Variants in C1QTNF3 observed in about 807,000 individuals in gnomAD.
The protein encoded by C1QTNF3 is complement C1q tumor necrosis factor-related protein 3.
C1QTNF3 carries 26 observed loss-of-function variants against 32.6 expected under a neutral mutation model. The observed-to-expected ratio is 0.80, with a 90% CI of 0.58 to 1.11. The LOEUF is 1.11. Among genes scored for constraint, C1QTNF3 ranks in the 50% least tolerant of loss-of-function variants. The pLI is 0.00. For missense variants in C1QTNF3, 362 were observed against 398.2 expected, an observed-to-expected ratio of 0.91 and a Z score of 0.77; for synonymous variants, 155 against 146.0, an observed-to-expected ratio of 1.06 and a Z score of -0.44.
At chr5:34,238,352 G>A in the C1QTNF3 span, among the ~76,000 whole-genome samples, 4 of 152,162 alleles carry the variant, frequency 2.6e-5, no homozygotes, top group Non-Finnish European at 5.9e-5. Flanking sequence ...TGAACATTAA[G>A]GAGAAAGTTG....
chr5:34,221,218 T>C, the C1QTNF3 span, among the ~76,000 whole-genome samples: 1 of 152,178 alleles, frequency 6.6e-6, no homozygotes, highest in South Asian at 2.1e-4. Context: ...GAAGTATTTC[T>C]ATTTATGTCA....
the C1QTNF3 span, among the ~76,000 whole-genome samples, chr5:34,059,018 G>A: frequency 6.6e-5 from 10 of 152,216 alleles, no homozygotes; most frequent in Admixed American, 2.0e-4. Flanking sequence ...TTTGAACTGC[G>A]TGCAGGAGAG....
At chr5:34,178,369 T>C in the C1QTNF3 span, among the ~76,000 whole-genome samples, 1 of 149,196 alleles carries the variant, frequency 6.7e-6, no homozygotes, top group Admixed American at 6.6e-5. Flanking sequence ...CTTGACTAGT[T>C]TGCAGAAGTG....
chr5:34,224,970 A>G, the C1QTNF3 span, among the ~76,000 whole-genome samples: 2 of 152,228 alleles, frequency 1.3e-5, no homozygotes, highest in African/African-American at 4.8e-5. Context: ...AAAACAAACA[A>G]CCTCATCAAA....
chr5:34,136,791 CAT>C, the C1QTNF3 span, among the ~76,000 whole-genome samples: 2 of 152,202 alleles, frequency 1.3e-5, no homozygotes, highest in Non-Finnish European at 2.9e-5. Context: ...AAATGTGGCA[CAT>C]AGACACCATG....
intron 2 of C1QTNF3, among the ~76,000 whole-genome samples, chr5:34,035,157 T>C (rs896593428): frequency 6.6e-6 from 1 of 152,188 alleles, no homozygotes; most frequent in African/African-American, 2.4e-5. Context: ...GATGACTGAA[T>C]TGCTGGTCTA....
the C1QTNF3 span, among the ~76,000 whole-genome samples, chr5:34,232,385 G>C: frequency 6.6e-6 from 1 of 150,856 alleles, no homozygotes; most frequent in Non-Finnish European, 1.5e-5. Context: ...TGAAATGTGA[G>C]AAGGACATGA....
At chr5:34,102,865 G>GTATGTAATGTAATGTAATGTAATGT in the C1QTNF3 span, among the ~76,000 whole-genome samples, 2 of 152,224 alleles carry the variant, frequency 1.3e-5, no homozygotes, top group Non-Finnish European at 2.9e-5. Flanking sequence ...ATAGCATTAG[G>GTATGTAATGTAATGTAATGTAATGT]AGATACACCT....
chr5:34,120,704 G>A, the C1QTNF3 span, among the ~76,000 whole-genome samples: 1 of 152,150 alleles, frequency 6.6e-6, no homozygotes, highest in African/African-American at 2.4e-5. Context: ...CTCTTCTTTT[G>A]TCTAACGCCA....
chr5:34,234,656 C>G, the C1QTNF3 span, among the ~76,000 whole-genome samples: 2 of 152,124 alleles, frequency 1.3e-5, no homozygotes, highest in East Asian at 3.8e-4. Context: ...CTGCATAGCA[C>G]TGACAAAAAT....
chr5:34,197,457 G>A, the C1QTNF3 span, among the ~76,000 whole-genome samples: 5 of 152,060 alleles, frequency 3.3e-5, no homozygotes, highest in East Asian at 3.9e-4. Context: ...GAGTTTTTAC[G>A]GTCAATCAAT....
chr5:34,203,617 C>T, the C1QTNF3 span, among the ~76,000 whole-genome samples: 1 of 150,926 alleles, frequency 6.6e-6, no homozygotes, highest in South Asian at 2.1e-4. Flanking sequence ...ACCTGCAAGA[C>T]GGAGTTTGCA....
At chr5:34,039,161 C>T (rs1214408958) in intron 1 of C1QTNF3, among the ~76,000 whole-genome samples, 2 of 152,150 alleles carry the variant, frequency 1.3e-5, no homozygotes, top group African/African-American at 4.8e-5. Context: ...ACATACTATG[C>T]ATGCTCACCT....
chr5:34,221,514 A>G, the C1QTNF3 span, among the ~76,000 whole-genome samples: 83,999 of 151,806 alleles, frequency 0.55, 25,709 homozygotes, highest in East Asian at 0.94. Flanking sequence ...ATGATTTATT[A>G]GCTGTCTGCC....
At chr5:34,177,509 C>T in the C1QTNF3 span, among the ~76,000 whole-genome samples, 8 of 103,428 alleles carry the variant, frequency 7.7e-5, no homozygotes, top group Admixed American at 1.3e-4. Context: ...TTTTTTGAGA[C>T]GGAGTCTTGC....
At chr5:34,142,158 G>A in the C1QTNF3 span, among the ~76,000 whole-genome samples, 28 of 152,318 alleles carry the variant, frequency 1.8e-4, no homozygotes, top group South Asian at 5.0e-3. Context: ...GCAGCTGGGC[G>A]CACTGGCTCA....
the C1QTNF3 span, among the ~76,000 whole-genome samples, chr5:34,154,236 C>T: frequency 2.0e-4 from 30 of 152,150 alleles, no homozygotes; most frequent in East Asian, 5.2e-3. Context: ...GAAAGTATAA[C>T]GAGTTTTTTT....
At chr5:34,122,532 A>G in the C1QTNF3 span, among the ~76,000 whole-genome samples, 1 of 152,254 alleles carries the variant, frequency 6.6e-6, no homozygotes, top group Non-Finnish European at 1.5e-5. Context: ...TGAGCAAAGT[A>G]TTGGAAGAGT....
the C1QTNF3 span, chr5:34,167,252 C>T: frequency 6.6e-6 from 1 of 152,150 alleles, no homozygotes; most frequent in Non-Finnish European, 1.5e-5. Flanking sequence ...TCCATAGCCC[C>T]CACTCATCTA....
Sources: allele counts gnomAD v4.1 joint callset (sites outside exome capture counted in the v4.1 genomes callset), GRCh38; gene constraint gnomAD v4.1.1; transcripts MANE v1.5; gene names NCBI Gene and HGNC (gene_info 2026-07-23, HGNC 2026-07-21).